The following PRKCH variants were observed in gnomAD, a reference collection of about 807,000 sequenced individuals.
PRKCH encodes protein kinase C eta type.
Under a neutral mutation model 82.5 loss-of-function variants are expected in PRKCH, and 28 were observed. The observed-to-expected ratio is 0.34, with a 90% CI of 0.25 to 0.47. The LOEUF is 0.47. Among genes scored for constraint, PRKCH ranks in the 20% least tolerant of loss-of-function variants. The pLI is 1.00. For synonymous variants in PRKCH, 322 were observed against 327.4 expected (o/e 0.98, Z 0.18); for missense variants, 705 against 881.8 (o/e 0.80, Z 2.54).
intron 1 of PRKCH, among the ~76,000 whole-genome samples, chr14:61,211,180 G>A (rs1028558080): frequency 3.9e-5 from 6 of 152,180 alleles, no homozygotes; most frequent in Non-Finnish European, 7.3e-5. Context: ...CATGATACAT[G>A]GCCCAGGACT....
intron 1 of PRKCH, among the ~76,000 whole-genome samples, chr14:61,250,277 A>G (rs1342664393): frequency 1.3e-5 from 2 of 151,308 alleles, no homozygotes; most frequent in Non-Finnish European, 2.9e-5. Context: ...AAATAAATAA[A>G]TAAATCTGGA....
intron 1 of PRKCH, among the ~76,000 whole-genome samples, chr14:61,270,032 G>GC (rs984901366): frequency 1.3e-5 from 2 of 152,216 alleles, no homozygotes; most frequent in African/African-American, 4.8e-5. Context: ...CTGGCACTGA[G>GC]CCCACTGCTT....
At chr14:61,204,729 C>G (rs1047706800) in intron 1 of PRKCH, among the ~76,000 whole-genome samples, 14 of 147,230 alleles carry the variant, frequency 9.5e-5, no homozygotes, top group African/African-American at 3.3e-4. Flanking sequence ...CCACTGCACT[C>G]TAGCCTGGAC....
chr14:61,268,403 C>T (rs1309848688), intron 1 of PRKCH, among the ~76,000 whole-genome samples: 1 of 152,140 alleles, frequency 6.6e-6, no homozygotes, highest in African/African-American at 2.4e-5. Flanking sequence ...CGATGGCTCA[C>T]ACCTGTAATC....
intron 2 of PRKCH, among the ~76,000 whole-genome samples, chr14:61,428,042 TATAGATAGATAG>T (rs1166349303): frequency 8.2e-6 from 1 of 121,894 alleles, no homozygotes; most frequent in African/African-American, 3.2e-5. Context: ...AATATATATA[TATAGATAGATAG>T]ATAGATAGAT....
intron 12 of PRKCH, among the ~76,000 whole-genome samples, chr14:61,536,453 A>C (rs1353500437): frequency 6.6e-6 from 1 of 152,068 alleles, no homozygotes; most frequent in Non-Finnish European, 1.5e-5. Flanking sequence ...AGGCAGGAAG[A>C]GCTGAGATCT....
chr14:61,286,641 TG>T (rs2045316260), intron 1 of PRKCH, among the ~76,000 whole-genome samples: 1 of 151,896 alleles, frequency 6.6e-6, no homozygotes. Context: ...CCGGGTATGG[TG>T]GCGCATGCCT....
rs565651474 is a variant in PRKCH at position 61,390,261 on chromosome 14, T to C, written c.364-964T>C. Among the ~76,000 whole-genome samples, 5 of 152,346 alleles carry C rather than the reference T, an allele frequency of 3.3e-5. No individual in the cohort carries two copies. The East Asian group carries it at 9.6e-4, about 29-fold the overall frequency. ...GTATGGGGTCTTTCGGAAACTGGAC[T>C]ATATGCAGAGGACGACACCATATGA... On this transcript the variant is annotated intron_variant, in intron 1 of 13. Transcript: ENST00000332981.
intron 1 of PRKCH, among the ~76,000 whole-genome samples, chr14:61,362,157 C>A (rs1008233150): frequency 2.0e-5 from 3 of 151,790 alleles, no homozygotes; most frequent in African/African-American, 4.8e-5. Context: ...GTCATCATAG[C>A]GATATTTCAT....
chr14:61,543,067 T>C (rs2043208821), intron 12 of PRKCH, among the ~76,000 whole-genome samples: 1 of 152,206 alleles, frequency 6.6e-6, no homozygotes, highest in Non-Finnish European at 1.5e-5. Context: ...GGTGAAAGAA[T>C]GATACAAACA....
intron 1 of PRKCH, among the ~76,000 whole-genome samples, chr14:61,352,689 G>GAAA (rs1486410316): frequency 3.1e-3 from 398 of 126,480 alleles, no homozygotes; most frequent in Middle Eastern, 0.015. Context: ...AGAAAGGAAA[G>GAAA]GAAAGAAAGA....
At position 61,463,493 on chromosome 14, in the gene PRKCH, C is replaced by T. The variant is rs542615427; in HGVS notation, c.1278+5814C>T. On this transcript the variant is annotated intron_variant, in intron 9 of 13. Transcript: ENST00000332981. ...ATTATTTCCCCTTTTTTTTTATAAT[C>T]ATATACACTGCTTACAAGTATATAA... is the stretch of plus-strand genomic sequence containing the variant. The T allele has an allele frequency of 7.8e-4, 119 of 151,946 alleles. 2 individuals are homozygous for T. The highest frequency in any genetic ancestry group is 2.7e-3 in the African/African-American group (113 of 41,460). 9.4% of individuals were successfully genotyped at this position (151,946 alleles called of 1,614,324 possible). A position where few individuals can be genotyped will look rare whatever the true frequency, so the allele number is the denominator to read the frequency against.
At position 61,276,873 on chromosome 14, in the gene PRKCH, G is replaced by C. The variant is rs181331882; in HGVS notation, c.-19+89205G>C. 8.3e-4 allele frequency among the ~76,000 whole-genome samples: 126 copies of C among 152,110 alleles called. 1 individual carries two copies. The highest frequency in any genetic ancestry group is 2.4e-3 in the African/African-American group (101 of 41,496). On this transcript the variant is annotated intron_variant, in intron 1 of 3. Coordinates refer to the PRKCH transcript ENST00000555185. ...CTCTAAAGGAAATTCCAGACTATTA[G>C]TCTGTCTCTGAATCTTAATAATTAC...
chr14:61,196,208 A>G (rs6573366), intron 1 of PRKCH, among the ~76,000 whole-genome samples: 6,820 of 152,208 alleles, frequency 0.045, 532 homozygotes, highest in African/African-American at 0.15. Context: ...ACATCTATAG[A>G]TGTTTTGGGA....
chr14:61,379,762 C>T (rs1406983348), intron 1 of PRKCH, among the ~76,000 whole-genome samples: 1 of 152,192 alleles, frequency 6.6e-6, no homozygotes, highest in African/African-American at 2.4e-5. Flanking sequence ...GGAGTATATT[C>T]CCCATCTCCA....
chr14:61,198,149 C>T (rs1273555498), intron 1 of PRKCH, among the ~76,000 whole-genome samples: 2 of 140,186 alleles, frequency 1.4e-5, no homozygotes, highest in Non-Finnish European at 1.5e-5. Flanking sequence ...AACTAGTTTC[C>T]GAGACTTCAT....
At chr14:61,397,125 C>T (rs1474089862) in intron 2 of PRKCH, among the ~76,000 whole-genome samples, 1 of 151,924 alleles carries the variant, frequency 6.6e-6, no homozygotes, top group Non-Finnish European at 1.5e-5. Flanking sequence ...ATTATTAGGG[C>T]CTGAATTAGG....
At chr14:61,212,844 T>C (rs1202790411) in intron 1 of PRKCH, among the ~76,000 whole-genome samples, 3 of 152,232 alleles carry the variant, frequency 2.0e-5, no homozygotes, top group Non-Finnish European at 2.9e-5. Context: ...CACTGAGTGC[T>C]CCGTGAGCAG....
At chr14:61,472,622 T>G (rs1885554703) in intron 9 of PRKCH, among the ~76,000 whole-genome samples, 1 of 152,138 alleles carries the variant, frequency 6.6e-6, no homozygotes, top group South Asian at 2.1e-4. Context: ...CCCGGGAGGT[T>G]GAGGCTGCAT....
Sources: allele counts gnomAD v4.1 joint callset (sites outside exome capture counted in the v4.1 genomes callset), GRCh38; gene constraint gnomAD v4.1.1; transcripts MANE v1.5; gene names NCBI Gene and HGNC (gene_info 2026-07-23, HGNC 2026-07-21).